The following MIPOL1 variants were observed in gnomAD, a reference collection of about 807,000 sequenced individuals.
MIPOL1 encodes mirror-image polydactyly gene 1 protein.
MIPOL1 carries 57 observed loss-of-function variants against 60.9 expected under a neutral mutation model. The observed-to-expected ratio is 0.94, with a 90% confidence interval of 0.76 to 1.17. The LOEUF (loss-of-function observed/expected upper bound fraction) is 1.17. Ranked by LOEUF, MIPOL1 falls within the 50% of genes most tolerant of loss-of-function variation. MIPOL1 has a pLI of 0.00. For synonymous variants in MIPOL1, 179 were observed against 168.8 expected (o/e 1.06, Z -0.47); for missense variants, 551 against 511.6 (o/e 1.08, Z -0.74).
intron 10 of MIPOL1, among the ~76,000 whole-genome samples, chr14:37,383,869 TTGTTGC>T (rs1407462460): frequency 1.3e-5 from 2 of 151,928 alleles, no homozygotes; most frequent in Non-Finnish European, 2.9e-5. Context: ...TTACTGGCTT[TTGTTGC>T]TGTTGCTGTT....
intron 7 of MIPOL1, among the ~76,000 whole-genome samples, chr14:37,293,781 C>T (rs890234568): frequency 6.6e-6 from 1 of 152,176 alleles, no homozygotes; most frequent in African/African-American, 2.4e-5. Context: ...CGCCATTGCT[C>T]AGGCTTGAGT....
chr14:37,295,444 A>C lies in MIPOL1; in HGVS notation c.623+9997A>C, dbSNP rs141886650. Among the ~76,000 whole-genome samples the C allele has an allele frequency of 9.3e-3, 1,416 of 152,332 alleles. 19 individuals carry two copies. Among genetic ancestry groups the C allele is most frequent in the African/African-American group, 0.029 (1,223 of 41,582 alleles). On this transcript the variant is annotated intron_variant, in intron 7 of 12. Coordinates refer to ENST00000684589, the MANE Select transcript of MIPOL1 (RefSeq NM_001388067.1). Reference sequence around the variant, plus strand: ...ACATCATAATGACAGGATGAAATTCACACATAACAATCCTAACCTTAAATG... The same window carrying C: ...ACATCATAATGACAGGATGAAATTCCCACATAACAATCCTAACCTTAAATG...
At chr14:37,349,731 A>G (rs2091213099) in intron 9 of MIPOL1, among the ~76,000 whole-genome samples, 3 of 152,114 alleles carry the variant, frequency 2.0e-5, no homozygotes, top group Admixed American at 6.5e-5. Flanking sequence ...TTTCACCTCT[A>G]TCATTCTATA....
intron 11 of MIPOL1, among the ~76,000 whole-genome samples, chr14:37,491,000 A>G (rs1230538738): frequency 6.6e-6 from 1 of 152,070 alleles, no homozygotes; most frequent in East Asian, 1.9e-4. Context: ...GACAGTATAA[A>G]TTTTTCATTT....
chr14:37,233,366 T>A (rs2153320981), intron 1 of MIPOL1, among the ~76,000 whole-genome samples: 1 of 152,308 alleles, frequency 6.6e-6, no homozygotes, highest in Non-Finnish European at 1.5e-5. Context: ...TTCAAAAAGT[T>A]TATTCTATAT....
chr14:37,465,954 T>A (rs948479831), intron 11 of MIPOL1, among the ~76,000 whole-genome samples: 2 of 152,146 alleles, frequency 1.3e-5, no homozygotes, highest in Non-Finnish European at 1.5e-5. Flanking sequence ...ATTTAAAGAA[T>A]AAAACTGCTA....
intron 11 of MIPOL1, among the ~76,000 whole-genome samples, chr14:37,465,307 A>G (rs1012549553): frequency 1.3e-5 from 2 of 152,172 alleles, no homozygotes; most frequent in Non-Finnish European, 2.9e-5. Context: ...GGATTTTAGG[A>G]ACAATTACAT....
intron 11 of MIPOL1, among the ~76,000 whole-genome samples, chr14:37,464,543 G>A (rs1345551067): frequency 6.6e-6 from 1 of 152,088 alleles, no homozygotes; most frequent in African/African-American, 2.4e-5. Flanking sequence ...GGATACACGT[G>A]GAAATACAGA....
chr14:37,471,046 AC>A (rs2094682261), intron 11 of MIPOL1, among the ~76,000 whole-genome samples: 1 of 152,174 alleles, frequency 6.6e-6, no homozygotes, highest in Non-Finnish European at 1.5e-5. Flanking sequence ...TCACCACTAC[AC>A]AATGTATCCA....
chr14:37,475,164 C>T (rs960716655), intron 11 of MIPOL1, among the ~76,000 whole-genome samples: 3 of 152,090 alleles, frequency 2.0e-5, no homozygotes, highest in Non-Finnish European at 4.4e-5. Context: ...AGGGTTTCAC[C>T]ATGTGGGCCA....
intron 10 of MIPOL1, among the ~76,000 whole-genome samples, chr14:37,387,591 G>A (rs2093108735): frequency 6.6e-6 from 1 of 151,764 alleles, no homozygotes; most frequent in South Asian, 2.1e-4. Context: ...ATTTGGTAGT[G>A]CTATATACCT....
At chr14:37,524,580 T>TC (rs2095435281) in intron 12 of MIPOL1, among the ~76,000 whole-genome samples, 3 of 143,304 alleles carry the variant, frequency 2.1e-5, no homozygotes, top group African/African-American at 7.9e-5. Context: ...CTTTTTTTTT[T>TC]TTTTTGAGAT....
At chr14:37,519,786 T>C (rs1355698211) in intron 12 of MIPOL1, among the ~76,000 whole-genome samples, 3 of 152,136 alleles carry the variant, frequency 2.0e-5, no homozygotes, top group Non-Finnish European at 4.4e-5. Context: ...TTCTATTGAA[T>C]GGTATTTTAT....
intron 9 of MIPOL1, among the ~76,000 whole-genome samples, chr14:37,330,427 C>G (rs1462704948): frequency 1.3e-5 from 2 of 152,028 alleles, no homozygotes; most frequent in Admixed American, 6.5e-5. Context: ...ACATAGTGTT[C>G]TTAAATTTTA....
chr14:37,346,248 G>T (rs1350379300), intron 9 of MIPOL1, among the ~76,000 whole-genome samples: 1 of 152,172 alleles, frequency 6.6e-6, no homozygotes, highest in Non-Finnish European at 1.5e-5. Context: ...AGAATTGCTT[G>T]AACCCAGGAG....
At chr14:37,241,322 G>C (rs1277743218) in intron 1 of MIPOL1, among the ~76,000 whole-genome samples, 5 of 152,044 alleles carry the variant, frequency 3.3e-5, no homozygotes, top group Admixed American at 6.6e-5. Flanking sequence ...ACTTTCCCCA[G>C]TACACTGATT....
intron 3 of MIPOL1, among the ~76,000 whole-genome samples, chr14:37,256,892 C>T (rs1378997584): frequency 1.3e-5 from 2 of 151,842 alleles, no homozygotes; most frequent in Non-Finnish European, 2.9e-5. Flanking sequence ...AACAAATTTA[C>T]TTTTCTGAGG....
chr14:37,394,057 CATATATATAT>C lies in MIPOL1; in HGVS notation c.936+24452_936+24461del, dbSNP rs56361320. Among the ~76,000 whole-genome samples the C allele has an allele frequency of 3.1e-4, 23 of 73,298 alleles. 2 individuals carry two copies. Among genetic ancestry groups the C allele is most frequent in the Middle Eastern group, 8.3e-3 (1 of 120 alleles). The allele number at this position is 73,298 out of a possible 152,430, so 48.1% of individuals were successfully genotyped here. On this transcript the variant is annotated intron_variant, in intron 10 of 12. Transcript: ENST00000684589. Reference sequence around the variant, plus strand: ...ATTCCTTTTTATGGCTTAGTAGTGGCATATATATATATATATATATATATATATCTCCATG... The same window carrying C: ...ATTCCTTTTTATGGCTTAGTAGTGGCATATATATATATATATATCTCCATG...
At position 37,275,836 on chromosome 14, in the gene MIPOL1, T is replaced by C. The variant is rs565369150; in HGVS notation, c.493+5311T>C. On this transcript the variant is annotated intron_variant, in intron 6 of 12. Transcript: ENST00000684589. Reference sequence around the variant, plus strand: ...TTCTTGCATGTCATCCATTAAAGATTAGCTGTGGAAGGTTGGAGCATGGAG... The same window carrying C: ...TTCTTGCATGTCATCCATTAAAGATCAGCTGTGGAAGGTTGGAGCATGGAG... Among the ~76,000 whole-genome samples, 6 of 151,346 alleles carry C rather than the reference T, an allele frequency of 4.0e-5. No individual in the cohort carries two copies. The East Asian group carries it at 9.6e-4, about 24-fold the overall frequency.
Sources: allele counts gnomAD v4.1 joint callset (sites outside exome capture counted in the v4.1 genomes callset), GRCh38; gene constraint gnomAD v4.1.1; transcripts MANE v1.5; gene names NCBI Gene and HGNC (gene_info 2026-07-23, HGNC 2026-07-21).